Variants in FTCDNL1 observed in about 807,000 individuals in gnomAD.
The protein encoded by FTCDNL1 is formiminotransferase cyclodeaminase N-terminal like.
Under a neutral mutation model 5.9 loss-of-function variants are expected in FTCDNL1, and 11 were observed. That is an observed-to-expected ratio of 1.87 (90% CI 1.18 to 3.10). The LOEUF is 3.10. FTCDNL1 is among the 30% of genes most tolerant of loss of function. The pLI is 0.00. For synonymous variants in FTCDNL1, 58 were observed against 24.8 expected, an observed-to-expected ratio of 2.34 and a Z score of -3.99; for missense variants, 115 against 65.5, an observed-to-expected ratio of 1.76 and a Z score of -2.61.
chr2:199,724,889 T>C, the FTCDNL1 span, among the ~76,000 whole-genome samples: 12 of 152,108 alleles, frequency 7.9e-5, no homozygotes, highest in Non-Finnish European at 1.5e-4. Flanking sequence ...TCTGCAGATT[T>C]CCATCAGGTT....
chr2:199,718,891 T>A, the FTCDNL1 span, among the ~76,000 whole-genome samples: 2 of 152,110 alleles, frequency 1.3e-5, no homozygotes, highest in Non-Finnish European at 2.9e-5. Flanking sequence ...TGATTTTTTT[T>A]ATTATTTTTT....
chr2:199,832,936 C>T (rs1008974849), intron 3 of FTCDNL1, among the ~76,000 whole-genome samples: 3 of 151,280 alleles, frequency 2.0e-5, no homozygotes, highest in South Asian at 4.2e-4. Context: ...AAGTAGCAGA[C>T]GTGGGATTTG....
At chr2:199,798,528 C>T (rs1231768276) in intron 3 of FTCDNL1, among the ~76,000 whole-genome samples, 1 of 152,198 alleles carries the variant, frequency 6.6e-6, no homozygotes, top group African/African-American at 2.4e-5. Context: ...TCATGGGACA[C>T]ATGAGGATGA....
the FTCDNL1 span, among the ~76,000 whole-genome samples, chr2:199,668,191 T>C: frequency 1.3e-5 from 2 of 152,190 alleles, no homozygotes; most frequent in Non-Finnish European, 2.9e-5. Context: ...AAATATATAT[T>C]ATATTGATGA....
chr2:199,670,144 A>C, the FTCDNL1 span, among the ~76,000 whole-genome samples: 1 of 152,202 alleles, frequency 6.6e-6, no homozygotes, highest in Non-Finnish European at 1.5e-5. Context: ...TTGAGACATC[A>C]ATCCTTTTAA....
chr2:199,844,379 C>G, intron 3 of FTCDNL1: 1 of 553,612 alleles, frequency 1.8e-6, no homozygotes, highest in Non-Finnish European at 3.3e-6. Context: ...CTTTCTCTTA[C>G]TTCTGGCCAC....
chr2:199,697,877 A>G, the FTCDNL1 span, among the ~76,000 whole-genome samples: 1 of 152,216 alleles, frequency 6.6e-6, no homozygotes, highest in South Asian at 2.1e-4. Flanking sequence ...TGCTGTCTTC[A>G]TTAGGTTAAT....
chr2:199,759,918 T>G (rs1032073798), downstream of FTCDNL1, among the ~76,000 whole-genome samples: 6 of 152,220 alleles, frequency 3.9e-5, no homozygotes, highest in Non-Finnish European at 8.8e-5. Flanking sequence ...ACAATAATCA[T>G]GCATGTGGAC....
chr2:199,678,536 T>C, the FTCDNL1 span, among the ~76,000 whole-genome samples: 1,692 of 152,202 alleles, frequency 0.011, 34 homozygotes, highest in African/African-American at 0.038. Context: ...TTTCCTTGAC[T>C]GTAAGATGTA....
chr2:199,839,989 G>A (rs1044773671), intron 3 of FTCDNL1, among the ~76,000 whole-genome samples: 1 of 152,202 alleles, frequency 6.6e-6, no homozygotes, highest in South Asian at 2.1e-4. Context: ...GAAGACATGG[G>A]ATTCAGGTTG....
At chr2:199,809,143 A>G (rs1337648227), downstream of FTCDNL1, among the ~76,000 whole-genome samples, 1 of 152,252 alleles carries the variant, frequency 6.6e-6, no homozygotes, top group African/African-American at 2.4e-5. Flanking sequence ...AAACACACAC[A>G]GAATTGGAAT....
chr2:199,696,690 G>A, the FTCDNL1 span, among the ~76,000 whole-genome samples: 1 of 151,988 alleles, frequency 6.6e-6, no homozygotes, highest in South Asian at 2.1e-4. Flanking sequence ...AAGAACATCA[G>A]TTTACACAGA....
the FTCDNL1 span, among the ~76,000 whole-genome samples, chr2:199,727,621 C>A: frequency 1.3e-5 from 2 of 152,058 alleles, no homozygotes; most frequent in East Asian, 3.9e-4. Context: ...AGTGAGAGAA[C>A]CTGGATACCT....
intron 4 of FTCDNL1, among the ~76,000 whole-genome samples, chr2:199,815,605 T>C (rs1701304089): frequency 6.6e-6 from 1 of 152,192 alleles, no homozygotes; most frequent in Non-Finnish European, 1.5e-5. Context: ...GAAATCGCTA[T>C]TGTTGGGAAC....
the FTCDNL1 span, among the ~76,000 whole-genome samples, chr2:199,722,456 T>C: frequency 6.6e-6 from 1 of 152,178 alleles, no homozygotes; most frequent in African/African-American, 2.4e-5. Flanking sequence ...GTCTAATCTC[T>C]GAGTTCTCTA....
chr2:199,839,178 G>A, intron 3 of FTCDNL1, among the ~76,000 whole-genome samples: 1 of 151,944 alleles, frequency 6.6e-6, no homozygotes, highest in East Asian at 1.9e-4. Flanking sequence ...AAAAATACAG[G>A]CAAAAGCAAC....
chr2:199,778,256 T>C (rs1424820911), intron 3 of FTCDNL1, among the ~76,000 whole-genome samples: 1 of 152,156 alleles, frequency 6.6e-6, no homozygotes, highest in African/African-American at 2.4e-5. Context: ...ATGATTCTTG[T>C]TCTCTCCCTC....
At chr2:199,711,230 T>C in the FTCDNL1 span, among the ~76,000 whole-genome samples, 3 of 151,916 alleles carry the variant, frequency 2.0e-5, no homozygotes, top group African/African-American at 4.8e-5. Flanking sequence ...GCAACCTGAA[T>C]TCACACCCAC....
intron 3 of FTCDNL1, among the ~76,000 whole-genome samples, chr2:199,793,119 G>A (rs1235095063): frequency 6.6e-6 from 1 of 152,072 alleles, no homozygotes; most frequent in African/African-American, 2.4e-5. Flanking sequence ...AACAGCTCTT[G>A]ATGCTAATTG....
Sources: gnomAD v4.1 joint callset for allele counts (sites outside exome capture counted in the v4.1 genomes callset) on GRCh38, gnomAD v4.1.1 for gene constraint, MANE v1.5 for transcripts, NCBI Gene and HGNC (gene_info 2026-07-23, HGNC 2026-07-21) for gene names.